ICE2: variants seen among roughly 807,000 people sequenced by gnomAD.
The protein encoded by ICE2 is interactor of little elongation complex ELL subunit 2, also known as little elongation complex subunit 2.
Under a neutral mutation model 105.4 loss-of-function variants are expected in ICE2, and 87 were observed. That is an observed-to-expected ratio of 0.83 (90% CI 0.69 to 0.99). ICE2 has a LOEUF of 0.99. Ranked by LOEUF, ICE2 falls within the 50% of genes least tolerant of loss-of-function variation. ICE2 has a pLI of 0.00. For missense variants in ICE2, 1,323 were observed against 1,146.7 expected (o/e 1.15, Z -2.22); for synonymous variants, 399 against 392.0 (o/e 1.02, Z -0.21).
chr15:60,449,560 C>T lies in ICE2; in HGVS notation c.1407G>A (p.Gln469=). 6.2e-7 allele frequency: 1 copy of T among 1,614,184 alleles called. No homozygotes were observed. Among genetic ancestry groups the T allele is most frequent in the Non-Finnish European group, 8.5e-7 (1 of 1,180,016 alleles). ...ILMEQLQKEK[Q]LVTGMDGGPE... ...GGCCACCATCCATACCAGTGACCAG[C>T]TGTTTCTCCTTTTGCAATTGTTCCA... The change falls in exon 10 of 16, where the codon CAG becomes CAA. Residue 469 remains glutamine (Q), a synonymous_variant. Coordinates refer to ENST00000261520, the MANE Select transcript of ICE2 (RefSeq NM_024611.6).
intron 5 of ICE2, among the ~76,000 whole-genome samples, chr15:60,460,502 A>C (rs1595800577): frequency 6.6e-6 from 1 of 152,354 alleles, no homozygotes; most frequent in South Asian, 2.1e-4. Context: ...CGTCTCCAAA[A>C]AAAAATTGAT....
chr15:60,448,975 T>C lies in ICE2; in HGVS notation c.1992A>G (p.Pro664=). The C allele has an allele frequency of 1.2e-6, 2 of 1,614,120 alleles. No homozygotes were observed. Among genetic ancestry groups the C allele is most frequent in the Non-Finnish European group, 1.7e-6 (2 of 1,179,986 alleles). Residue 664 remains proline (P), a synonymous_variant, in exon 10 of 16, where the codon CCA becomes CCG. Transcript: ENST00000261520. ...ELLKPISRKV[P]ELPLMNLENS... ...TTTCTAAATTCATTAAGGGCAATTC[T>C]GGTACTTTTCTGGAAATTGGCTTTA...
At position 60,473,324 on chromosome 15, in the gene ICE2, C is replaced by T. The variant is rs1283461227; in HGVS notation, c.146+2739G>A. ...AGAGACAGAGACAGAGAGGGTCTCA[C>T]TCTGTTGCCCAGGCTGGAGTGCAGT... On this transcript the variant is annotated intron_variant, in intron 3 of 15. Coordinates refer to ENST00000261520, the MANE Select transcript of ICE2 (RefSeq NM_024611.6). Among the ~76,000 whole-genome samples the T allele has an allele frequency of 2.0e-5, 3 of 152,082 alleles. No individual in the cohort carries two copies. The East Asian group carries it at 5.8e-4, about 29-fold the overall frequency.
intron 9 of ICE2, chr15:60,451,493 T>C (rs2063965707): frequency 1.0e-6 from 1 of 984,948 alleles, no homozygotes; most frequent in Non-Finnish European, 1.2e-6. Context: ...TTCCAAATTG[T>C]TGGACCACAG....
intron 3 of ICE2, among the ~76,000 whole-genome samples, chr15:60,469,466 A>T (rs773238361): frequency 6.6e-6 from 1 of 152,174 alleles, no homozygotes; most frequent in African/African-American, 2.4e-5. Flanking sequence ...CAAAAAACAA[A>T]AAACACAAAA....
In ICE2 at chr15:60,468,161, C is replaced by T. The variant is rs759727933; in HGVS notation, c.308G>A (p.Arg103Lys). The change falls in exon 4 of 16, where the codon AGA becomes AAA. Residue 103 changes from arginine to lysine, a missense_variant. Transcript: ENST00000261520. ...CAAGTCCACATAACTCCTCTGCTCT[C>T]TCTGTGAGAAACGAGAGAAACGAGG... Reference protein sequence around the residue: ...PYPRFSRFSQREQRSYVDLLV... With the variant: ...PYPRFSRFSQKEQRSYVDLLV... 1 of 1,614,000 alleles carries T rather than the reference C, an allele frequency of 6.2e-7. No individual in the cohort carries two copies. The highest frequency in any genetic ancestry group is 1.3e-5 in the African/African-American group (1 of 74,938).
intron 3 of ICE2, among the ~76,000 whole-genome samples, chr15:60,472,816 C>G (rs2064642160): frequency 6.6e-6 from 1 of 151,962 alleles, no homozygotes; most frequent in Non-Finnish European, 1.5e-5. Flanking sequence ...GGCAAGACAC[C>G]AACTCTAAAA....
chr15:60,449,373 T>C lies in ICE2; in HGVS notation c.1594A>G (p.Ile532Val), dbSNP rs1338928181. 4.3e-6 allele frequency: 7 copies of C among 1,612,926 alleles called. No homozygotes were observed. The South Asian group carries it at 6.6e-5, about 15-fold the overall frequency. ...IETSNKNDMT[I>V]DILHADGERP... ...TCACCATCAGCATGTAATATATCTATAGTCATATCATTTTTATTAGAAGTT... is the reference window on the plus strand; with the variant it reads ...TCACCATCAGCATGTAATATATCTACAGTCATATCATTTTTATTAGAAGTT... Residue 532 changes from isoleucine (I) to valine (V), a missense_variant, in exon 10 of 16, where the codon ATA (isoleucine) becomes GTA (valine). Ile to Val is a conservative substitution (Grantham distance 29). Coordinates refer to ENST00000261520, the MANE Select transcript of ICE2 (RefSeq NM_024611.6).
chr15:60,423,600 GT>G lies in ICE2; in HGVS notation c.*33del. 1.3e-6 allele frequency: 2 copies of G among 1,572,214 alleles called. No homozygotes were observed. The highest frequency in any genetic ancestry group is 1.7e-6 in the Non-Finnish European group (2 of 1,160,622). On this transcript the variant is annotated 3_prime_UTR_variant, in exon 16 of 16. Transcript: ENST00000261520. ...ATCTAAATTAAACACTGTTATAACT[GT>G]TTTTTTAAATTTAGTTTTCCATGGT...
chr15:60,420,980 C>G lies in ICE2; in HGVS notation c.*2654G>C, dbSNP rs941393646. The G allele has an allele frequency of 1.3e-5, 2 of 151,638 alleles. No homozygotes were observed. Among genetic ancestry groups the G allele is most frequent in the African/African-American group, 4.9e-5 (2 of 41,000 alleles). 9.4% of individuals were successfully genotyped at this position (151,638 alleles called of 1,614,324 possible). A position where few individuals can be genotyped will look rare whatever the true frequency, so the allele number is the denominator to read the frequency against. On this transcript the variant is annotated 3_prime_UTR_variant, in exon 16 of 16. Transcript: ENST00000261520. ...CCCCTGTCCTTGCAGAGCTTGTAAT[C>G]TATAAGAAAAGAAAATCAAAGAAAC...
At chr15:60,470,424 A>G (rs888300567) in intron 3 of ICE2, among the ~76,000 whole-genome samples, 1 of 152,144 alleles carries the variant, frequency 6.6e-6, no homozygotes, top group Admixed American at 6.5e-5. Context: ...GCATTCTGGA[A>G]GCCTGTAGGT....
chr15:60,431,270 C>A (rs1375088588), intron 14 of ICE2, among the ~76,000 whole-genome samples: 2 of 151,896 alleles, frequency 1.3e-5, no homozygotes, highest in African/African-American at 4.8e-5. Flanking sequence ...TTATGCTAAT[C>A]ACCAGAACCT....
At chr15:60,474,832 A>G (rs1208497266) in intron 3 of ICE2, among the ~76,000 whole-genome samples, 1 of 152,170 alleles carries the variant, frequency 6.6e-6, no homozygotes, top group Non-Finnish European at 1.5e-5. Context: ...TCAAATACTG[A>G]TTAAGTTGGC....
intron 1 of ICE2, 23 bp downstream of exon 1, chr15:60,478,980 T>G (rs1160847509): frequency 2.2e-6 from 1 of 455,778 alleles, no homozygotes; most frequent in East Asian, 7.0e-5. Flanking sequence ...GCGTCTGGGC[T>G]GCAACACAGC....
At chr15:60,427,024 C>T (rs1339614221) in intron 15 of ICE2, among the ~76,000 whole-genome samples, 7 of 152,162 alleles carry the variant, frequency 4.6e-5, no homozygotes, top group Non-Finnish European at 8.8e-5. Flanking sequence ...TTTCACTTGT[C>T]CCAACTTAAC....
At position 60,453,711 on chromosome 15, in the gene ICE2, A is replaced by G; in HGVS notation, c.1017T>C (p.Asn339=). 6.2e-7 allele frequency: 1 copy of G among 1,606,180 alleles called. No individual in the cohort carries two copies. The highest frequency in any genetic ancestry group is 1.3e-5 in the African/African-American group (1 of 74,870). ...TTAATGGAACTTCATGAAAGATTTGATTTCTCTCTCTCATAGTCATTTTCT... is the reference window on the plus strand; with the variant it reads ...TTAATGGAACTTCATGAAAGATTTGGTTTCTCTCTCTCATAGTCATTTTCT... ...PQKKMTMRER[N]QIFHEVPLKF... is the part of the protein sequence containing the mutation. The change falls in exon 9 of 16, where the codon AAT becomes AAC. Residue 339 remains asparagine, a synonymous_variant. Transcript: ENST00000261520.
intron 5 of ICE2, among the ~76,000 whole-genome samples, chr15:60,459,647 G>GT (rs2064218845): frequency 6.6e-6 from 1 of 152,116 alleles, no homozygotes; most frequent in Non-Finnish European, 1.5e-5. Flanking sequence ...AATAATGTGG[G>GT]TAAGTTTAAA....
At position 60,449,020 on chromosome 15, in the gene ICE2, T is replaced by C. The variant is rs1566985631; in HGVS notation, c.1947A>G (p.Leu649=). 3 of 1,613,818 alleles carry C rather than the reference T, an allele frequency of 1.9e-6. No individual in the cohort carries two copies. Among genetic ancestry groups the C allele is most frequent in the Non-Finnish European group, 2.5e-6 (3 of 1,179,950 alleles). ...GCTTTAAGAGCTCATCCTGCATTTT[T>C]AAAATCTCTCCAACTGGATCAAATT... is the stretch of plus-strand genomic sequence containing the variant. ...YKKFDPVGEI[L]KMQDELLKPI... Residue 649 remains leucine, a synonymous_variant, in exon 10 of 16, where the codon TTA becomes TTG. Transcript: ENST00000261520.
intron 14 of ICE2, among the ~76,000 whole-genome samples, chr15:60,431,302 G>A (rs562712512): frequency 1.3e-5 from 2 of 151,812 alleles, no homozygotes; most frequent in African/African-American, 4.8e-5. Flanking sequence ...ATATTTAATC[G>A]TTTTGCAGGT....
Sources: allele counts gnomAD v4.1 joint callset (sites outside exome capture counted in the v4.1 genomes callset), GRCh38; gene constraint gnomAD v4.1.1; transcripts MANE v1.5; gene names NCBI Gene and HGNC (gene_info 2026-07-23, HGNC 2026-07-21).